Variants in TENM4 observed in about 807,000 individuals in gnomAD.
TENM4 encodes the protein teneurin transmembrane protein 4.
A neutral mutation model predicts 243.3 loss-of-function variants in TENM4; 82 were observed. That is an observed-to-expected ratio of 0.34 (90% CI 0.28 to 0.40). The LOEUF is 0.40. TENM4 is among the 10% of genes least tolerant of loss of function. The pLI, the probability that TENM4 is intolerant of heterozygous loss-of-function variation, is 1.00. For synonymous variants in TENM4, 1,412 were observed against 1,456.3 expected (o/e 0.97, Z 0.69); for missense variants, 3,138 against 3,673.3 (o/e 0.85, Z 3.77).
chr11:78,672,399 T>G (rs1450641200), intron 30 of TENM4, 70 bp from the exon 31 acceptor site: 2 of 1,527,908 alleles, frequency 1.3e-6, no homozygotes, highest in Non-Finnish European at 1.8e-6. Flanking sequence ...ATGGGCCACG[T>G]TGCTCTCAGC....
At chr11:79,277,142 G>T (rs1207252866) in intron 2 of TENM4, among the ~76,000 whole-genome samples, 3 of 152,220 alleles carry the variant, frequency 2.0e-5, no homozygotes, top group African/African-American at 7.2e-5. Flanking sequence ...TACAGAGAGA[G>T]CTCTGCTACC....
At chr11:79,291,742 G>T (rs2135382730) in intron 2 of TENM4, among the ~76,000 whole-genome samples, 1 of 152,254 alleles carries the variant, frequency 6.6e-6, no homozygotes, top group Non-Finnish European at 1.5e-5. Context: ...GCAAAGCCCT[G>T]GTTCCACCCA....
chr11:79,076,621 A>G (rs1407789929), intron 4 of TENM4, among the ~76,000 whole-genome samples: 2 of 152,180 alleles, frequency 1.3e-5, no homozygotes, highest in Non-Finnish European at 2.9e-5. Context: ...AAACCATATC[A>G]GTATTTTTTT....
At chr11:79,339,572 G>A (rs1857208623) in intron 1 of TENM4, among the ~76,000 whole-genome samples, 1 of 69,204 alleles carries the variant, frequency 1.4e-5, no homozygotes, top group Non-Finnish European at 3.9e-5. Context: ...ATCCCAGTGA[G>A]ATGTGCCTTA....
chr11:78,789,929 G>GCTGTAAGCTTCCTTTT (rs1253245835), intron 15 of TENM4, among the ~76,000 whole-genome samples: 1 of 152,094 alleles, frequency 6.6e-6, no homozygotes, highest in Non-Finnish European at 1.5e-5. Context: ...CTACTCAATA[G>GCTGTAAGCTTCCTTTT]CTGTAAGCTT....
At chr11:79,103,520 C>T (rs943227272) in intron 4 of TENM4, among the ~76,000 whole-genome samples, 2 of 152,060 alleles carry the variant, frequency 1.3e-5, no homozygotes, top group African/African-American at 2.4e-5. Flanking sequence ...TCCCAAGGTC[C>T]GTCCTCTTAG....
chr11:78,861,639 A>G (rs1175813216), intron 10 of TENM4, among the ~76,000 whole-genome samples: 1 of 152,222 alleles, frequency 6.6e-6, no homozygotes, highest in Non-Finnish European at 1.5e-5. Flanking sequence ...AGAAGCCAAG[A>G]GTTGACTTTG....
chr11:79,273,537 T>A (rs771503905), intron 2 of TENM4, among the ~76,000 whole-genome samples: 2 of 152,232 alleles, frequency 1.3e-5, no homozygotes, highest in Non-Finnish European at 2.9e-5. Flanking sequence ...TTCAATCGCT[T>A]CGCAAAGCAA....
intron 2 of TENM4, among the ~76,000 whole-genome samples, chr11:79,223,536 G>A (rs1343384512): frequency 2.0e-5 from 3 of 152,090 alleles, no homozygotes; most frequent in Non-Finnish European, 4.4e-5. Context: ...CCGGCTCAAA[G>A]CCCTTATTGC....
At chr11:78,876,555 T>G (rs1269189343) in intron 9 of TENM4, among the ~76,000 whole-genome samples, 1 of 152,240 alleles carries the variant, frequency 6.6e-6, no homozygotes, top group East Asian at 1.9e-4. Flanking sequence ...GCCTTGTAAT[T>G]TTTTCCTGAT....
intron 1 of TENM4, among the ~76,000 whole-genome samples, chr11:79,314,333 G>A (rs895647612): frequency 2.0e-5 from 3 of 152,318 alleles, no homozygotes; most frequent in Non-Finnish European, 2.9e-5. Context: ...AGAAATGTAT[G>A]CTATAATAAT....
intron 1 of TENM4, among the ~76,000 whole-genome samples, chr11:79,321,435 T>C (rs1856886651): frequency 1.3e-5 from 2 of 152,070 alleles, no homozygotes; most frequent in Non-Finnish European, 2.9e-5. Flanking sequence ...AGCAACACTG[T>C]TGATGGTTCG....
intron 1 of TENM4, among the ~76,000 whole-genome samples, chr11:79,364,877 C>T (rs1470029372): frequency 6.6e-6 from 1 of 152,188 alleles, no homozygotes; most frequent in Non-Finnish European, 1.5e-5. Context: ...TTCTCAAGTG[C>T]ATTTGATAGG....
chr11:78,925,445 A>C (rs1856533051), intron 6 of TENM4, among the ~76,000 whole-genome samples: 1 of 151,940 alleles, frequency 6.6e-6, no homozygotes, highest in African/African-American at 2.4e-5. Context: ...TTGTGAGATG[A>C]TTTTTGCCCT....
At chr11:78,950,987 C>G (rs1020356820) in intron 6 of TENM4, among the ~76,000 whole-genome samples, 6 of 152,226 alleles carry the variant, frequency 3.9e-5, no homozygotes, top group Admixed American at 6.5e-5. Flanking sequence ...AAGGTGTGAT[C>G]AGGCCCTCTT....
chr11:79,081,411 G>T (rs926191007), intron 4 of TENM4, among the ~76,000 whole-genome samples: 1 of 152,152 alleles, frequency 6.6e-6, no homozygotes, highest in South Asian at 2.1e-4. Flanking sequence ...TGTAGTCTAT[G>T]CCCTGGGCAT....
At chr11:78,710,130 C>A (rs1262140128) in intron 26 of TENM4, among the ~76,000 whole-genome samples, 1 of 152,188 alleles carries the variant, frequency 6.6e-6, no homozygotes, top group Non-Finnish European at 1.5e-5. Context: ...GAAGCCTTCA[C>A]CAAGGTGGAG....
At chr11:79,373,418 C>G (rs577524112) in intron 1 of TENM4, among the ~76,000 whole-genome samples, 3 of 149,620 alleles carry the variant, frequency 2.0e-5, no homozygotes, top group Middle Eastern at 3.5e-3. Context: ...GGCTGGGTGA[C>G]TGGCTGGCTG....
chr11:78,984,427 C>T (rs991606147), intron 6 of TENM4, among the ~76,000 whole-genome samples: 4 of 152,172 alleles, frequency 2.6e-5, no homozygotes, highest in African/African-American at 9.7e-5. Flanking sequence ...GTGTGGATTG[C>T]ATTCGCCATT....
Sources: allele counts gnomAD v4.1 joint callset (sites outside exome capture counted in the v4.1 genomes callset), GRCh38; gene constraint gnomAD v4.1.1; transcripts MANE v1.5; gene names NCBI Gene and HGNC (gene_info 2026-07-23, HGNC 2026-07-21).